Variants in DNASE1 observed in about 807,000 individuals in gnomAD.
The protein encoded by DNASE1 is deoxyribonuclease 1.
Under a neutral mutation model 33.9 loss-of-function variants are expected in DNASE1, and 40 were observed. The observed-to-expected ratio is 1.18, with a 90% confidence interval of 0.92 to 1.54. The LOEUF (loss-of-function observed/expected upper bound fraction) is 1.54. DNASE1 is among the 40% of genes most tolerant of loss of function. The probability of loss-of-function intolerance (pLI) is 0.00; values close to 1 mark genes in which losing one functional copy is unlikely to be tolerated. For synonymous variants in DNASE1, 216 were observed against 160.0 expected (o/e 1.35, Z -2.64); for missense variants, 518 against 372.6 (o/e 1.39, Z -3.21).
At chr16:3,618,172 G>C (rs1343505249) in intron 1 of DNASE1, among the ~76,000 whole-genome samples, 1 of 149,662 alleles carries the variant, frequency 6.7e-6, no homozygotes, top group Non-Finnish European at 1.5e-5. Context: ...AAGATGATCA[G>C]CATCATGAAT....
downstream of DNASE1, chr16:3,662,111 G>A: frequency 6.2e-7 from 1 of 1,612,962 alleles, no homozygotes; most frequent in Non-Finnish European, 8.5e-7. Flanking sequence ...ATGGCAGGGT[G>A]GGTGTCCAGT....
rs768175110 is a variant in DNASE1 at position 3,657,185 on chromosome 16, A to G, written c.550-2A>G. The G allele has an allele frequency of 2.5e-6, 4 of 1,614,024 alleles. No homozygotes were observed. Among genetic ancestry groups the G allele is most frequent in the Non-Finnish European group, 3.4e-6 (4 of 1,179,998 alleles). ...AGGGCCACAGGCAGCGTTTCCTGGTAGGACGTCATGTTGATGGGCGACTTC... is the reference window on the plus strand; with the variant it reads ...AGGGCCACAGGCAGCGTTTCCTGGTGGGACGTCATGTTGATGGGCGACTTC... On this transcript the variant is annotated splice_acceptor_variant, in intron 6 of 8. Coordinates refer to ENST00000246949, the MANE Select transcript of DNASE1 (RefSeq NM_005223.4). LOFTEE classifies it high-confidence loss of function.
intron 1 of DNASE1, among the ~76,000 whole-genome samples, chr16:3,618,399 C>G (rs901602392): frequency 6.6e-6 from 1 of 152,166 alleles, no homozygotes; most frequent in Admixed American, 6.6e-5. Context: ...TATGATTCAG[C>G]AATTCCGCTT....
intron 1 of DNASE1, among the ~76,000 whole-genome samples, chr16:3,614,925 G>A (rs2041046352): frequency 6.6e-6 from 1 of 152,124 alleles, no homozygotes. Context: ...TAGAGTCCTG[G>A]TGAAGAAAGT....
intron 1 of DNASE1, among the ~76,000 whole-genome samples, chr16:3,617,582 T>TC (rs2041154637): frequency 6.6e-6 from 1 of 152,000 alleles, no homozygotes; most frequent in African/African-American, 2.4e-5. Context: ...TGTTTATGTC[T>TC]CCCCCCACCC....
chr16:3,662,584 C>CTTGT, downstream of DNASE1: 1 of 614,988 alleles, frequency 1.6e-6, no homozygotes, highest in Non-Finnish European at 3.0e-6. Context: ...TAGCATGTCC[C>CTTGT]TTGTTTGGAA....
In DNASE1 at chr16:3,658,087, G is replaced by A; in HGVS notation, c.*134G>A. 1 of 1,610,402 alleles carries A rather than the reference G, an allele frequency of 6.2e-7. No homozygotes were observed. The highest frequency in any genetic ancestry group is 8.5e-7 in the Non-Finnish European group (1 of 1,177,014). Reference sequence around the variant, plus strand: ...TAGGTAAATAAAGCTCAAGGAGGTGGGGCTGTCATCTGTGGTGTCAGTCCT... The same window carrying A: ...TAGGTAAATAAAGCTCAAGGAGGTGAGGCTGTCATCTGTGGTGTCAGTCCT... On this transcript the variant is annotated 3_prime_UTR_variant, in exon 9 of 9. Coordinates refer to ENST00000246949, the MANE Select transcript of DNASE1 (RefSeq NM_005223.4).
At chr16:3,624,362 T>G (rs926540202) in intron 1 of DNASE1, among the ~76,000 whole-genome samples, 1 of 152,202 alleles carries the variant, frequency 6.6e-6, no homozygotes, top group African/African-American at 2.4e-5. Flanking sequence ...GCATGTTTTC[T>G]TCTAGAGTTT....
chr16:3,661,862 T>C, downstream of DNASE1: 4 of 1,279,164 alleles, frequency 3.1e-6, no homozygotes, highest in South Asian at 1.6e-5. Flanking sequence ...CAGCTCCTTA[T>C]AGTTACCCAC....
At chr16:3,628,336 T>A (rs2041585525) in intron 1 of DNASE1, among the ~76,000 whole-genome samples, 1 of 152,176 alleles carries the variant, frequency 6.6e-6, no homozygotes, top group South Asian at 2.1e-4. Flanking sequence ...TTTTTGTGTG[T>A]AATGTTTAGG....
chr16:3,626,739 G>A (rs2041524722), intron 1 of DNASE1, among the ~76,000 whole-genome samples: 1 of 152,122 alleles, frequency 6.6e-6, no homozygotes, highest in South Asian at 2.1e-4. Flanking sequence ...TAGTGGATTT[G>A]TCTGTTCTTC....
downstream of DNASE1, chr16:3,658,854 A>T: frequency 6.2e-7 from 1 of 1,614,056 alleles, no homozygotes; most frequent in Non-Finnish European, 8.5e-7. Flanking sequence ...CAGCTTCTTG[A>T]TGAGCGCGTG....
chr16:3,662,924 G>A, downstream of DNASE1: 2 of 1,613,136 alleles, frequency 1.2e-6, no homozygotes, highest in Non-Finnish European at 1.7e-6. Context: ...TTCTCATCCA[G>A]GCCATGAGCT....
In DNASE1 at chr16:3,657,146, C is replaced by G. The variant is rs1408823223; in HGVS notation, c.549+35C>G. ...TCCCAGGGGCAGTGGGCACCAGCGG[C>G]CTCCGCATGTCCCAGGGCCACAGGC... On this transcript the variant is annotated intron_variant, in intron 6 of 8. Transcript: ENST00000246949. 3.1e-6 allele frequency: 5 copies of G among 1,613,968 alleles called. No individual in the cohort carries two copies. In the African/African-American group the frequency reaches 6.7e-5, roughly 22 times the overall value.
Position 3,636,418 on chromosome 16 carries a change from A to G in DNASE1, c.-1358-4297A>G, listed in dbSNP as rs181886518. On this transcript the variant is annotated intron_variant and NMD_transcript_variant, in intron 1 of 11. Transcript: ENST00000570769. ...CTGTGATAATTCTAACATCTCTGCT[A>G]TTTCTGAGTCTGGGTTTGATGCTTG... is the stretch of plus-strand genomic sequence containing the variant. 8.5e-5 allele frequency among the ~76,000 whole-genome samples: 13 copies of G among 152,164 alleles called. No individual in the cohort carries two copies. In the South Asian group the frequency reaches 1.2e-3, roughly 15 times the overall value.
At chr16:3,624,250 CAG>C (rs2041426273) in intron 1 of DNASE1, among the ~76,000 whole-genome samples, 1 of 144,060 alleles carries the variant, frequency 6.9e-6, no homozygotes, top group Admixed American at 7.1e-5. Context: ...GCCTGGGCGA[CAG>C]AGTGAGACTC....
rs998875098 is a variant in DNASE1, at chr16:3,656,843, C to G, written c.436+90C>G. 10 of 1,541,600 alleles carry G rather than the reference C, an allele frequency of 6.5e-6. No homozygotes were observed. The African/African-American group carries it at 6.9e-5, about 11-fold the overall frequency. On this transcript the variant is annotated intron_variant, in intron 5 of 8. Coordinates refer to ENST00000246949, the MANE Select transcript of DNASE1 (RefSeq NM_005223.4). ...GAACCTGGAATGCCTGTGTCACACA[C>G]TGCCCTCCCAGTCCCTGGGGCTTGG...
At chr16:3,664,767 C>T (rs2050789670) in exon 10 of DNASE1, 1 of 332,630 alleles carries the variant, frequency 3.0e-6, no homozygotes, top group African/African-American at 2.2e-5. Flanking sequence ...GGCCTGGACC[C>T]AGCGTCTTCC....
chr16:3,655,892 A>G lies in DNASE1; in HGVS notation c.191A>G (p.Asp64Gly). Reference sequence around the variant, plus strand: ...ATCGCCCTGGTCCAGGAGGTCAGAGACAGCCACCTGACTGCCGTGGGGAAG... The same window carrying G: ...ATCGCCCTGGTCCAGGAGGTCAGAGGCAGCCACCTGACTGCCGTGGGGAAG... ...YDIALVQEVR[D>G]SHLTAVGKLL... The change falls in exon 3 of 9, where the codon GAC (aspartate) becomes GGC (glycine). Residue 64 changes from aspartate (D) to glycine (G), a missense_variant. By Grantham distance (94) the Asp-to-Gly change is moderately conservative (BLOSUM62 -1). Transcript: ENST00000246949. 8 of 1,613,974 alleles carry G rather than the reference A, an allele frequency of 5.0e-6. No homozygotes were observed. Among genetic ancestry groups the G allele is most frequent in the Non-Finnish European group, 6.8e-6 (8 of 1,179,992 alleles).
Sources: gnomAD v4.1 joint callset for allele counts (sites outside exome capture counted in the v4.1 genomes callset) on GRCh38, gnomAD v4.1.1 for gene constraint, MANE v1.5 for transcripts, NCBI Gene and HGNC (gene_info 2026-07-23, HGNC 2026-07-21) for gene names.